DLGAP4: variants seen among roughly 807,000 people sequenced by gnomAD.
The protein encoded by DLGAP4 is disks large-associated protein 4.
A neutral mutation model predicts 86.9 loss-of-function variants in DLGAP4; 18 were observed. That is an observed-to-expected ratio of 0.21 (90% CI 0.14 to 0.31). DLGAP4 has a LOEUF of 0.31. Ranked by LOEUF, DLGAP4 falls within the 10% of genes least tolerant of loss-of-function variation. DLGAP4 has a pLI of 1.00. For missense variants in DLGAP4, 1,085 were observed against 1,362.6 expected (o/e 0.80, Z 3.21); for synonymous variants, 548 against 574.3 (o/e 0.95, Z 0.65).
At chr20:36,521,743 T>C (rs1017251482) in intron 10 of DLGAP4, among the ~76,000 whole-genome samples, 4 of 152,200 alleles carry the variant, frequency 2.6e-5, no homozygotes, top group African/African-American at 9.7e-5. Context: ...CTGTTTTATC[T>C]CTTTCCATTG....
rs908443548 is a variant in DLGAP4 at position 36,484,627 on chromosome 20, T to C, written c.1649-12078T>C. Among the ~76,000 whole-genome samples, 3 of 152,244 alleles carry C rather than the reference T, an allele frequency of 2.0e-5. No individual in the cohort carries two copies. The East Asian group carries it at 5.8e-4, about 29-fold the overall frequency. ...CGGCCAAAAGGGACTTTCTCTGCTT[T>C]CACCCAGCCGGAACTGAGACACCAC... On this transcript the variant is annotated intron_variant, in intron 7 of 12. Transcript: ENST00000339266.
chr20:36,490,787 A>G (rs2035627232), intron 7 of DLGAP4, among the ~76,000 whole-genome samples: 1 of 152,122 alleles, frequency 6.6e-6, no homozygotes, highest in African/African-American at 2.4e-5. Context: ...AGACACATGC[A>G]GGGGGCTAGC....
chr20:36,523,724 C>T (rs746138089), intron 10 of DLGAP4, among the ~76,000 whole-genome samples: 5 of 152,274 alleles, frequency 3.3e-5, no homozygotes, highest in East Asian at 3.9e-4. Flanking sequence ...AGTGCAGTGG[C>T]GCCATCTTGG....
At chr20:36,307,608 G>A (rs1277796290) in intron 1 of DLGAP4, among the ~76,000 whole-genome samples, 1 of 152,206 alleles carries the variant, frequency 6.6e-6, no homozygotes. Flanking sequence ...GAAGCCCTAA[G>A]CTTGGAGGGC....
chr20:36,494,893 C>A (rs564881646), intron 7 of DLGAP4, among the ~76,000 whole-genome samples: 1 of 151,992 alleles, frequency 6.6e-6, no homozygotes, highest in South Asian at 2.1e-4. Flanking sequence ...GCAGGAGGAT[C>A]CCTTGAGTCC....
chr20:36,464,934 A>G (rs1185522366), intron 7 of DLGAP4, among the ~76,000 whole-genome samples: 2 of 152,008 alleles, frequency 1.3e-5, no homozygotes, highest in African/African-American at 2.4e-5. Context: ...ATCAGTCTCC[A>G]TCATTCACTG....
intron 7 of DLGAP4, among the ~76,000 whole-genome samples, chr20:36,490,687 A>C (rs1600640699): frequency 6.6e-6 from 1 of 151,950 alleles, no homozygotes; most frequent in African/African-American, 2.4e-5. Context: ...AGGAGTGTAG[A>C]CCGCCTCTCC....
chr20:36,513,554 CAAAAAAAAAAAA>C (rs562398294), intron 10 of DLGAP4, among the ~76,000 whole-genome samples: 18 of 40,562 alleles, frequency 4.4e-4, no homozygotes, highest in Non-Finnish European at 5.7e-4. Flanking sequence ...GACTCCGTCT[CAAAAAAAAAAAA>C]AAAAAAAAAA....
intron 7 of DLGAP4, among the ~76,000 whole-genome samples, chr20:36,477,841 G>C (rs553508534): frequency 1.3e-4 from 20 of 152,328 alleles, no homozygotes; most frequent in Non-Finnish European, 2.4e-4. Flanking sequence ...TAGAAGTAGT[G>C]GAGACCCAGA....
chr20:36,371,441 T>C (rs2030930888), intron 2 of DLGAP4, among the ~76,000 whole-genome samples: 1 of 152,212 alleles, frequency 6.6e-6, no homozygotes, highest in Non-Finnish European at 1.5e-5. Flanking sequence ...ATTAACGTGG[T>C]GACATCATGA....
chr20:36,420,977 GA>G (rs879279886), intron 2 of DLGAP4, among the ~76,000 whole-genome samples: 73 of 143,100 alleles, frequency 5.1e-4, no homozygotes, highest in African/African-American at 4.8e-4. Flanking sequence ...TCTGTCTCAA[GA>G]AAAAAAAAAA....
At chr20:36,409,906 C>A (rs1289990805) in intron 2 of DLGAP4, among the ~76,000 whole-genome samples, 1 of 150,844 alleles carries the variant, frequency 6.6e-6, no homozygotes, top group Non-Finnish European at 1.5e-5. Context: ...TGGTGGCGGG[C>A]GCCTATAGTC....
intron 7 of DLGAP4, chr20:36,461,787 C>G: frequency 1.1e-6 from 1 of 942,426 alleles, no homozygotes; most frequent in Non-Finnish European, 1.3e-6. Context: ...CCGTCCTGTC[C>G]AGCCGCCAGT....
chr20:36,436,503 T>G (rs1042026112), intron 4 of DLGAP4, among the ~76,000 whole-genome samples, 153 bp downstream of exon 4: 4 of 151,694 alleles, frequency 2.6e-5, no homozygotes, highest in African/African-American at 9.7e-5. Context: ...GAGTCCTGCT[T>G]CTTGAGAGAA....
intron 10 of DLGAP4, among the ~76,000 whole-genome samples, chr20:36,509,629 A>G (rs1191357950): frequency 6.6e-6 from 1 of 152,142 alleles, no homozygotes; most frequent in Non-Finnish European, 1.5e-5. Context: ...GTACACCTGT[A>G]GTCCCAGTTA....
At position 36,363,427 on chromosome 20, in the gene DLGAP4, G is replaced by A. The variant is rs1475036562; in HGVS notation, c.-303-3618G>A. Among the ~76,000 whole-genome samples, 3 of 152,360 alleles carry A rather than the reference G, an allele frequency of 2.0e-5. No homozygotes were observed. The East Asian group carries it at 5.8e-4, about 29-fold the overall frequency. ...GAGCAAGGTCAGAAGCAGGACACCAGAGAGGGCATGAATAATCCAGGCACG... is the reference window on the plus strand; with the variant it reads ...GAGCAAGGTCAGAAGCAGGACACCAAAGAGGGCATGAATAATCCAGGCACG... On this transcript the variant is annotated intron_variant, in intron 1 of 12. Coordinates refer to ENST00000339266, the MANE Select transcript of DLGAP4 (RefSeq NM_001365621.2).
At chr20:36,482,081 G>T (rs113559582) in intron 7 of DLGAP4, among the ~76,000 whole-genome samples, 1 of 152,166 alleles carries the variant, frequency 6.6e-6, no homozygotes, top group Non-Finnish European at 1.5e-5. Context: ...GTGAACTCAC[G>T]GTTTTCCCCA....
At chr20:36,492,417 C>A (rs1181682714) in intron 7 of DLGAP4, 1 of 152,412 alleles carries the variant, frequency 6.6e-6, no homozygotes, top group Non-Finnish European at 1.5e-5. Context: ...CCTGGACTTG[C>A]TTTCTGGCTG....
chr20:36,476,961 G>A (rs1424298291), intron 7 of DLGAP4, among the ~76,000 whole-genome samples: 1 of 151,880 alleles, frequency 6.6e-6, no homozygotes, highest in African/African-American at 2.4e-5. Flanking sequence ...CCAAAGTGCT[G>A]GGATTACAGG....
Sources: allele counts gnomAD v4.1 joint callset (sites outside exome capture counted in the v4.1 genomes callset), GRCh38; gene constraint gnomAD v4.1.1; transcripts MANE v1.5; gene names NCBI Gene and HGNC (gene_info 2026-07-23, HGNC 2026-07-21).